CPE: variants seen among roughly 807,000 people sequenced by gnomAD.
CPE encodes the protein carbocypeptidase E.
In CPE, 17 loss-of-function variants were observed where a neutral mutation model predicts 53.5. That is an observed-to-expected ratio of 0.32 (90% CI 0.22 to 0.48). The LOEUF is 0.48. CPE is among the 20% of genes least tolerant of loss of function. The pLI is 0.99. For missense variants in CPE, 524 were observed against 614.7 expected, an observed-to-expected ratio of 0.85 and a Z score of 1.56; for synonymous variants, 226 against 228.8, an observed-to-expected ratio of 0.99 and a Z score of 0.11.
At position 165,484,483 on chromosome 4, in the gene CPE, A is replaced by G. The variant is rs771304885; in HGVS notation, c.852A>G (p.Ala284=). ...DDAIFQSLAR[A]YSSFNPAMSD... ...CCATTTTCCAAAGCTTGGCCCGGGC[A>G]TACTCTTCTTTCAACCCGGCCATGT... The change falls in exon 5 of 9, where the codon GCA becomes GCG. Residue 284 remains alanine (A), a synonymous_variant. Transcript: ENST00000402744. 3 of 1,614,074 alleles carry G rather than the reference A, an allele frequency of 1.9e-6. No individual in the cohort carries two copies. The highest frequency in any genetic ancestry group is 2.2e-5 in the East Asian group (1 of 44,866).
rs567335945 is a variant in CPE at position 165,454,503 on chromosome 4, A to G, written c.308-9887A>G. 6.7e-4 allele frequency among the ~76,000 whole-genome samples: 102 copies of G among 152,336 alleles called. 1 individual carries two copies. Among genetic ancestry groups the G allele is most frequent in the African/African-American group, 2.3e-3 (95 of 41,582 alleles). On this transcript the variant is annotated intron_variant, in intron 1 of 8. Transcript: ENST00000402744. ...TTATATTGTTGATTTTGTTTTAGGT[A>G]GTTAATGCTACTACCTCTTTATCTG... is the stretch of plus-strand genomic sequence containing the variant.
intron 1 of CPE, among the ~76,000 whole-genome samples, chr4:165,436,190 A>G (rs995534188): frequency 2.4e-5 from 3 of 127,438 alleles, no homozygotes; most frequent in Non-Finnish European, 5.2e-5. Context: ...CCCAGCACAC[A>G]TACACACACA....
chr4:165,389,350 A>C (rs1730644425), intron 1 of CPE, among the ~76,000 whole-genome samples: 2 of 152,066 alleles, frequency 1.3e-5, no homozygotes, highest in Admixed American at 1.3e-4. Context: ...TCTTGTTTTT[A>C]CTTCTACTTA....
chr4:165,487,236 GT>G (rs1384762892), intron 5 of CPE, among the ~76,000 whole-genome samples: 1 of 152,194 alleles, frequency 6.6e-6, no homozygotes, highest in African/African-American at 2.4e-5. Context: ...GAACCTGAGA[GT>G]TTGTGCTTTT....
intron 3 of CPE, among the ~76,000 whole-genome samples, chr4:165,471,149 A>G (rs1732198924): frequency 6.6e-6 from 1 of 152,204 alleles, no homozygotes; most frequent in East Asian, 1.9e-4. Flanking sequence ...ACACTCAGGT[A>G]ACTGGTGGCT....
intron 1 of CPE, among the ~76,000 whole-genome samples, chr4:165,408,470 G>A (rs138133033): frequency 2.0e-5 from 3 of 152,278 alleles, no homozygotes; most frequent in East Asian, 3.9e-4. Context: ...AATTTCATAA[G>A]TGAGTAGAGG....
At chr4:165,456,378 G>A (rs1484922187) in intron 1 of CPE, among the ~76,000 whole-genome samples, 2 of 152,078 alleles carry the variant, frequency 1.3e-5, no homozygotes, top group Non-Finnish European at 2.9e-5. Context: ...TAATGATGCA[G>A]TGCTTTGGAA....
At chr4:165,419,637 C>G (rs926847860) in intron 1 of CPE, among the ~76,000 whole-genome samples, 2 of 152,128 alleles carry the variant, frequency 1.3e-5, no homozygotes, top group Non-Finnish European at 2.9e-5. Context: ...GATTTGAACT[C>G]AATTCCGTGT....
chr4:165,410,633 C>G (rs1731026623), intron 1 of CPE, among the ~76,000 whole-genome samples: 1 of 152,026 alleles, frequency 6.6e-6, no homozygotes, highest in African/African-American at 2.4e-5. Flanking sequence ...GGGGAGGGGA[C>G]CATATCTGTG....
intron 6 of CPE, among the ~76,000 whole-genome samples, chr4:165,488,813 T>TGCA (rs1732552579): frequency 6.6e-6 from 1 of 151,800 alleles, no homozygotes; most frequent in Non-Finnish European, 1.5e-5. Context: ...GTGGTCCCTA[T>TGCA]AGCTTGCTAT....
chr4:165,470,742 C>T (rs1273269195), intron 3 of CPE, among the ~76,000 whole-genome samples: 6 of 152,120 alleles, frequency 3.9e-5, no homozygotes, highest in Non-Finnish European at 5.9e-5. Flanking sequence ...CTCAAGAATC[C>T]AAGACCTCAA....
At chr4:165,489,462 C>G (rs971190969) in intron 6 of CPE, among the ~76,000 whole-genome samples, 12 of 152,080 alleles carry the variant, frequency 7.9e-5, no homozygotes, top group African/African-American at 2.9e-4. Context: ...AACAAGAATA[C>G]CTAATCACAA....
intron 1 of CPE, among the ~76,000 whole-genome samples, chr4:165,431,649 T>C (rs1731410964): frequency 6.6e-6 from 1 of 152,170 alleles, no homozygotes; most frequent in African/African-American, 2.4e-5. Context: ...CAGATTCTGG[T>C]TTTTTCTGTA....
intron 1 of CPE, among the ~76,000 whole-genome samples, chr4:165,428,248 G>A (rs1018445983): frequency 6.6e-6 from 1 of 151,726 alleles, no homozygotes; most frequent in African/African-American, 2.4e-5. Flanking sequence ...TTTTTGTAGG[G>A]GTCTCACTTT....
In CPE at chr4:165,497,566, T is replaced by C. The variant is rs74323264; in HGVS notation, c.1387T>C (p.Leu463=). ...SERKEEEKEE[L]MEWWKMMSET... The stretch of plus-strand genomic sequence containing the variant: ...AAGGAAAGAAGAGGAGAAGGAAGAA[T>C]TGATGGAATGGTGGAAAATGATGTC... The change falls in exon 9 of 9, where the codon TTG becomes CTG. Residue 463 remains leucine (L), a synonymous_variant. Coordinates refer to ENST00000402744, the MANE Select transcript of CPE (RefSeq NM_001873.4). 6.3e-7 allele frequency: 1 copy of C among 1,581,124 alleles called. No individual in the cohort carries two copies. The highest frequency in any genetic ancestry group is 1.4e-5 in the African/African-American group (1 of 73,542).
intron 1 of CPE, among the ~76,000 whole-genome samples, chr4:165,408,598 G>T (rs1730988873): frequency 6.6e-6 from 1 of 152,202 alleles, no homozygotes; most frequent in African/African-American, 2.4e-5. Context: ...ATATACCAGT[G>T]GTTCTCAATT....
At chr4:165,482,679 G>T (rs1732435474) in intron 4 of CPE, among the ~76,000 whole-genome samples, 1 of 152,210 alleles carries the variant, frequency 6.6e-6, no homozygotes, top group Non-Finnish European at 1.5e-5. Context: ...AGAGATTACA[G>T]AAGTTGTGTA....
At chr4:165,416,634 C>T (rs576557429) in intron 1 of CPE, among the ~76,000 whole-genome samples, 1 of 151,796 alleles carries the variant, frequency 6.6e-6, no homozygotes, top group Non-Finnish European at 1.5e-5. Context: ...TCTTCCCCAT[C>T]ATTGCCTGGC....
rs1416274542 is a variant in CPE at position 165,470,999 on chromosome 4, G to A, written c.672+3144G>A. ...AAGGGTGACTCTTGAATACTGACAT[G>A]ATGGTGTCTCTCACTGAGGATCATC... On this transcript the variant is annotated intron_variant, in intron 3 of 8. Coordinates refer to ENST00000402744, the MANE Select transcript of CPE (RefSeq NM_001873.4). 2.0e-5 allele frequency among the ~76,000 whole-genome samples: 3 copies of A among 152,182 alleles called. No homozygotes were observed. The East Asian group carries it at 5.8e-4, about 29-fold the overall frequency.
Sources: allele counts gnomAD v4.1 joint callset (sites outside exome capture counted in the v4.1 genomes callset), GRCh38; gene constraint gnomAD v4.1.1; transcripts MANE v1.5; gene names NCBI Gene and HGNC (gene_info 2026-07-23, HGNC 2026-07-21).